The following ZNF248 variants were observed in gnomAD, a reference collection of about 807,000 sequenced individuals.
ZNF248 encodes KRAB protein domain.
ZNF248 carries 20 observed loss-of-function variants against 44.3 expected under a neutral mutation model. The observed-to-expected ratio is 0.45, with a 90% confidence interval of 0.32 to 0.66. The LOEUF (loss-of-function observed/expected upper bound fraction) is 0.66. ZNF248 is among the 30% of genes least tolerant of loss of function. The pLI, the probability that ZNF248 is intolerant of heterozygous loss-of-function variation, is 0.04. For synonymous variants in ZNF248, 224 were observed against 229.0 expected (o/e 0.98, Z 0.20); for missense variants, 654 against 677.0 (o/e 0.97, Z 0.38).
In ZNF248 at chr10:37,777,346, G is replaced by A. The variant is rs1015200939; in HGVS notation, c.331-771C>T. Among the ~76,000 whole-genome samples, 3 of 152,222 alleles carry A rather than the reference G, an allele frequency of 2.0e-5. No individual in the cohort carries two copies. The East Asian group carries it at 5.8e-4, about 29-fold the overall frequency. On this transcript the variant is annotated intron_variant, in intron 6 of 6. Coordinates refer to the ZNF248 transcript ENST00000615949. Reference sequence around the variant, plus strand: ...TATGGACTCAGGTACTAAGCCACCCGCTTCCACCAACGGATAATTCTTTCA... The same window carrying A: ...TATGGACTCAGGTACTAAGCCACCCACTTCCACCAACGGATAATTCTTTCA...
At chr10:37,821,437 T>C (rs972855917) in intron 6 of ZNF248, among the ~76,000 whole-genome samples, 4 of 152,212 alleles carry the variant, frequency 2.6e-5, no homozygotes, top group African/African-American at 7.2e-5. Flanking sequence ...TCTTGAACAG[T>C]GTGCTTTACT....
chr10:37,848,381 C>T (rs1035670969), intron 3 of ZNF248, among the ~76,000 whole-genome samples: 17 of 151,904 alleles, frequency 1.1e-4, no homozygotes, highest in African/African-American at 3.4e-4. Context: ...CTCAGGAGTT[C>T]GAGAACAGCC....
chr10:37,829,823 C>A lies in ZNF248; in HGVS notation c.*1792G>T. ...GTACTACACAATACTTCCCAAACATCTCATTGCTCCCAAGTTCACCCCAAC... is the reference window on the plus strand; with the variant it reads ...GTACTACACAATACTTCCCAAACATATCATTGCTCCCAAGTTCACCCCAAC... On this transcript the variant is annotated 3_prime_UTR_variant, in exon 6 of 6. Coordinates refer to ENST00000395867, the MANE Select transcript of ZNF248 (RefSeq NM_021045.3). 1 of 985,452 alleles carries A rather than the reference C, an allele frequency of 1.0e-6. No individual in the cohort carries two copies. Among genetic ancestry groups the A allele is most frequent in the Non-Finnish European group, 1.2e-6 (1 of 829,938 alleles). The allele number at this position is 985,452 out of a possible 1,614,324, so 61.0% of individuals were successfully genotyped here. A position where few individuals can be genotyped will look rare whatever the true frequency, so the allele number is the denominator to read the frequency against.
At chr10:37,808,749 G>A (rs1450305387) in intron 6 of ZNF248, among the ~76,000 whole-genome samples, 1 of 152,124 alleles carries the variant, frequency 6.6e-6, no homozygotes, top group Non-Finnish European at 1.5e-5. Context: ...AACAAATTTG[G>A]AAGTGTTCCC....
intron 3 of ZNF248, among the ~76,000 whole-genome samples, chr10:37,851,574 A>C (rs1277755288): frequency 1.3e-5 from 2 of 152,022 alleles, no homozygotes; most frequent in Non-Finnish European, 2.9e-5. Flanking sequence ...CTTGTTAATA[A>C]ACTTGCTTTT....
At chr10:37,778,812 TA>T (rs2046928204) in intron 6 of ZNF248, among the ~76,000 whole-genome samples, 1 of 151,788 alleles carries the variant, frequency 6.6e-6, no homozygotes, top group South Asian at 2.1e-4. Context: ...ATAGAAGCAA[TA>T]AAAAATGATA....
At chr10:37,852,674 TTA>T (rs1160355744) in intron 3 of ZNF248, among the ~76,000 whole-genome samples, 9 of 148,746 alleles carry the variant, frequency 6.1e-5, no homozygotes, top group African/African-American at 2.2e-4. Context: ...CAATATATAT[TTA>T]TATATGTTAT....
chr10:37,775,761 T>C (rs1438448326), downstream of ZNF248, among the ~76,000 whole-genome samples: 2 of 152,208 alleles, frequency 1.3e-5, no homozygotes, highest in Non-Finnish European at 2.9e-5. Flanking sequence ...AGGATATTTG[T>C]TTACTTACAT....
At chr10:37,790,975 C>T (rs910422264) in intron 6 of ZNF248, among the ~76,000 whole-genome samples, 2 of 144,044 alleles carry the variant, frequency 1.4e-5, no homozygotes, top group African/African-American at 5.0e-5. Flanking sequence ...GACATGACAA[C>T]AGTCAAGTTC....
rs12773859 is a variant in ZNF248, at chr10:37,823,604, C to T, written c.330+9421G>A. Among the ~76,000 whole-genome samples, 981 of 151,962 alleles carry T rather than the reference C, an allele frequency of 6.5e-3. 4 individuals are homozygous for T. The highest frequency in any genetic ancestry group is 0.016 in the African/African-American group (651 of 41,462). On this transcript the variant is annotated intron_variant, in intron 6 of 6. Transcript: ENST00000615949. ...TTGGTTGTTTTTTGAGACAGAGTCT[C>T]GCTCTGTTGCCCAGGCTGGAGGGCA... is the stretch of plus-strand genomic sequence containing the variant.
intron 3 of ZNF248, among the ~76,000 whole-genome samples, chr10:37,854,247 C>A (rs1034382092): frequency 1.3e-5 from 2 of 152,018 alleles, no homozygotes; most frequent in African/African-American, 4.8e-5. Context: ...ATAAACTGGA[C>A]AACAAAAATA....
intron 6 of ZNF248, among the ~76,000 whole-genome samples, chr10:37,809,260 A>G (rs920615007): frequency 1.4e-5 from 2 of 147,302 alleles, no homozygotes; most frequent in Non-Finnish European, 3.0e-5. Context: ...GATACATTTG[A>G]GCTTAGTTCT....
intron 6 of ZNF248, among the ~76,000 whole-genome samples, chr10:37,812,305 A>G (rs1300126082): frequency 1.3e-5 from 2 of 152,082 alleles, no homozygotes; most frequent in Admixed American, 1.3e-4. Context: ...AATGTAGACA[A>G]AAGTGTCTTT....
At chr10:37,825,546 C>A (rs553325352), downstream of ZNF248, among the ~76,000 whole-genome samples, 1 of 152,140 alleles carries the variant, frequency 6.6e-6, no homozygotes, top group Non-Finnish European at 1.5e-5. Flanking sequence ...TTAGGTGATT[C>A]TCCCACCTCA....
intron 6 of ZNF248, among the ~76,000 whole-genome samples, chr10:37,796,447 G>A (rs973195023): frequency 7.3e-5 from 11 of 151,538 alleles, no homozygotes; most frequent in African/African-American, 2.7e-4. Context: ...TCCAACTCCT[G>A]TCCTCAAGTG....
chr10:37,806,826 A>G (rs1463190774), intron 6 of ZNF248, among the ~76,000 whole-genome samples: 1 of 152,092 alleles, frequency 6.6e-6, no homozygotes, highest in East Asian at 1.9e-4. Flanking sequence ...ACCAAATCCA[A>G]TGTCATTAAG....
intron 6 of ZNF248, among the ~76,000 whole-genome samples, chr10:37,807,078 G>A (rs1307209753): frequency 6.6e-6 from 1 of 151,920 alleles, no homozygotes; most frequent in Non-Finnish European, 1.5e-5. Context: ...CCGCCTCCAA[G>A]GTTCAAGTGA....
At chr10:37,851,676 A>T (rs1189761601) in intron 3 of ZNF248, among the ~76,000 whole-genome samples, 1 of 151,154 alleles carries the variant, frequency 6.6e-6, no homozygotes, top group Non-Finnish European at 1.5e-5. Flanking sequence ...GACTATTTCA[A>T]TGAAGAGAAT....
chr10:37,782,848 G>A (rs2047468323), intron 6 of ZNF248, among the ~76,000 whole-genome samples: 1 of 152,066 alleles, frequency 6.6e-6, no homozygotes, highest in South Asian at 2.1e-4. Flanking sequence ...CCACATTCTG[G>A]AGGCTTACAC....
Sources: gnomAD v4.1 joint callset for allele counts (sites outside exome capture counted in the v4.1 genomes callset) on GRCh38, gnomAD v4.1.1 for gene constraint, MANE v1.5 for transcripts, NCBI Gene and HGNC (gene_info 2026-07-23, HGNC 2026-07-21) for gene names.